DYTN: variants seen among roughly 807,000 people sequenced by gnomAD.
DYTN encodes the protein dystrotelin.
A neutral mutation model predicts 69.6 loss-of-function variants in DYTN; 75 were observed. The observed-to-expected ratio is 1.08, with a 90% CI of 0.89 to 1.31. The LOEUF (loss-of-function observed/expected upper bound fraction) is 1.31. Ranked by LOEUF, DYTN falls within the 50% of genes most tolerant of loss-of-function variation. The pLI, the probability that DYTN is intolerant of heterozygous loss-of-function variation, is 0.00. For synonymous variants in DYTN, 252 were observed against 249.1 expected (o/e 1.01, Z -0.11); for missense variants, 726 against 688.4 (o/e 1.05, Z -0.61).
chr2:206,717,260 TTTATTTTCCAC>T (rs1254024041), intron 1 of DYTN, among the ~76,000 whole-genome samples: 6 of 152,218 alleles, frequency 3.9e-5, no homozygotes, highest in Non-Finnish European at 8.8e-5. Context: ...CATCAGTATA[TTTATTTTCCAC>T]AGATACTAAG....
At chr2:206,656,289 A>C (rs1330489584) in intron 11 of DYTN, among the ~76,000 whole-genome samples, 1 of 152,178 alleles carries the variant, frequency 6.6e-6, no homozygotes. Context: ...GTCTCATATA[A>C]CTATAGCCAC....
In DYTN at chr2:206,702,585, G is replaced by A. The variant is rs143421922; in HGVS notation, c.483+2258C>T. ...CTGAAAGCATAACTCATTACCCATCGTTTGGCTTGTGAGTGCTGATGAACT... is the reference window on the plus strand; with the variant it reads ...CTGAAAGCATAACTCATTACCCATCATTTGGCTTGTGAGTGCTGATGAACT... On this transcript the variant is annotated intron_variant, in intron 5 of 11. Coordinates refer to ENST00000452335, the MANE Select transcript of DYTN (RefSeq NM_001093730.1). Among the ~76,000 whole-genome samples, 333 of 152,264 alleles carry A rather than the reference G, an allele frequency of 2.2e-3. 1 individual carries two copies. Among genetic ancestry groups the A allele is most frequent in the African/African-American group, 7.5e-3 (310 of 41,560 alleles).
chr2:206,661,916 T>C (rs1048207849), intron 11 of DYTN, among the ~76,000 whole-genome samples: 1 of 152,200 alleles, frequency 6.6e-6, no homozygotes, highest in Non-Finnish European at 1.5e-5. Flanking sequence ...ATTTTTTAAA[T>C]TTTATGATGG....
chr2:206,679,360 C>T (rs6706850), intron 9 of DYTN, among the ~76,000 whole-genome samples: 31,688 of 151,956 alleles, frequency 0.21, 3,413 homozygotes, highest in African/African-American at 0.22. Context: ...AGTCAAGTAG[C>T]CAATAATAGA....
intron 5 of DYTN, among the ~76,000 whole-genome samples, chr2:206,702,375 T>C (rs368275331): frequency 6.6e-6 from 1 of 152,232 alleles, no homozygotes. Context: ...GCTGAGTCCA[T>C]CAACTCGAAT....
intron 11 of DYTN, among the ~76,000 whole-genome samples, chr2:206,655,561 C>A (rs996292272): frequency 1.3e-5 from 2 of 151,616 alleles, no homozygotes; most frequent in African/African-American, 4.8e-5. Flanking sequence ...AGGCACGTAC[C>A]AACACATCCA....
At chr2:206,706,270 GA>G (rs148649086) in intron 3 of DYTN, among the ~76,000 whole-genome samples, 10,387 of 149,514 alleles carry the variant, frequency 0.069, 489 homozygotes, top group Non-Finnish European at 0.094. Context: ...TTTATGCAAA[GA>G]AAAAAAAAAT....
At chr2:206,716,702 A>G (rs1700133677) in intron 1 of DYTN, among the ~76,000 whole-genome samples, 1 of 152,122 alleles carries the variant, frequency 6.6e-6, no homozygotes, top group South Asian at 2.1e-4. Context: ...ATAATTTACA[A>G]TAGTGTAATG....
At chr2:206,669,094 G>A (rs180992402) in intron 9 of DYTN, among the ~76,000 whole-genome samples, 1 of 152,332 alleles carries the variant, frequency 6.6e-6, no homozygotes, top group African/African-American at 2.4e-5. Context: ...CTAGCACAGT[G>A]TAGACTAATA....
intron 9 of DYTN, among the ~76,000 whole-genome samples, chr2:206,690,539 G>A (rs941509166): frequency 5.9e-5 from 9 of 152,200 alleles, no homozygotes; most frequent in Admixed American, 3.3e-4. Context: ...CCAGTTAGGA[G>A]GTCATGTGAC....
chr2:206,678,955 A>G (rs1038642697), intron 9 of DYTN: 3 of 152,200 alleles, frequency 2.0e-5, no homozygotes, highest in Non-Finnish European at 4.4e-5. Flanking sequence ...ACTGAACTTC[A>G]CTGCAAAATG....
intron 9 of DYTN, among the ~76,000 whole-genome samples, chr2:206,676,078 G>A (rs1699682967): frequency 6.6e-6 from 1 of 152,110 alleles, no homozygotes; most frequent in African/African-American, 2.4e-5. Context: ...CCATTACTGG[G>A]TATAAACCCA....
chr2:206,676,913 T>C (rs183008150), intron 9 of DYTN, among the ~76,000 whole-genome samples: 1 of 146,802 alleles, frequency 6.8e-6, no homozygotes. Context: ...TATGTACAGC[T>C]TTCTTTTTCT....
intron 9 of DYTN, among the ~76,000 whole-genome samples, chr2:206,682,155 T>C (rs1699756993): frequency 6.6e-6 from 1 of 152,116 alleles, no homozygotes; most frequent in Non-Finnish European, 1.5e-5. Flanking sequence ...GATTTTCTAG[T>C]TTATTTGCCT....
At chr2:206,673,707 T>C (rs1699651924) in intron 9 of DYTN, among the ~76,000 whole-genome samples, 1 of 152,246 alleles carries the variant, frequency 6.6e-6, no homozygotes, top group Non-Finnish European at 1.5e-5. Flanking sequence ...AGTTTAAAGA[T>C]GACAGGGTTG....
At chr2:206,662,711 A>G (rs1699526022) in intron 11 of DYTN, among the ~76,000 whole-genome samples, 192 bp downstream of exon 11, 1 of 151,036 alleles carries the variant, frequency 6.6e-6, no homozygotes, top group African/African-American at 2.4e-5. Context: ...ATCACCTTTA[A>G]TACTCACAAC....
intron 5 of DYTN, among the ~76,000 whole-genome samples, chr2:206,703,341 C>T (rs920104928): frequency 2.6e-5 from 4 of 152,132 alleles, no homozygotes; most frequent in African/African-American, 9.7e-5. Flanking sequence ...TTCCCAGGCC[C>T]CCACCTGCTC....
intron 9 of DYTN, among the ~76,000 whole-genome samples, chr2:206,682,010 C>CT (rs1230386230): frequency 6.6e-6 from 1 of 152,074 alleles, no homozygotes; most frequent in Non-Finnish European, 1.5e-5. Context: ...TGGTCCTGGA[C>CT]TTTTTTTGGT....
At chr2:206,692,214 A>G (rs1300274390) in intron 9 of DYTN, among the ~76,000 whole-genome samples, 9 of 151,256 alleles carry the variant, frequency 6.0e-5, no homozygotes, top group Non-Finnish European at 1.0e-4. Context: ...GCAGTCAGCT[A>G]TGATTGTGCC....
Sources: gnomAD v4.1 joint callset for allele counts (sites outside exome capture counted in the v4.1 genomes callset) on GRCh38, gnomAD v4.1.1 for gene constraint, MANE v1.5 for transcripts, NCBI Gene and HGNC (gene_info 2026-07-23, HGNC 2026-07-21) for gene names.